The following PRKCA variants were observed in gnomAD, a reference collection of about 807,000 sequenced individuals.
PRKCA encodes protein kinase C alpha, also known as protein kinase C alpha type.
Under a neutral mutation model 87.0 loss-of-function variants are expected in PRKCA, and 27 were observed. That is an observed-to-expected ratio of 0.31 (90% CI 0.23 to 0.43). The LOEUF (loss-of-function observed/expected upper bound fraction) is 0.43, where lower values mean the gene tolerates loss of function less well. Ranked by LOEUF, PRKCA falls within the 20% of genes least tolerant of loss-of-function variation. The pLI is 1.00. For synonymous variants in PRKCA, 329 were observed against 311.1 expected (o/e 1.06, Z -0.61); for missense variants, 518 against 852.3 (o/e 0.61, Z 4.88).
At chr17:66,705,871 A>G (rs1973179893) in intron 8 of PRKCA, among the ~76,000 whole-genome samples, 2 of 152,198 alleles carry the variant, frequency 1.3e-5, no homozygotes, top group East Asian at 1.9e-4. Flanking sequence ...TAAGGGACCT[A>G]GAATAAGGGT....
chr17:66,425,304 G>C (rs1215504041), intron 2 of PRKCA, among the ~76,000 whole-genome samples: 1 of 151,664 alleles, frequency 6.6e-6, no homozygotes, highest in African/African-American at 2.4e-5. Context: ...CTCCCTCCAA[G>C]GCTACAACCA....
chr17:66,429,092 C>T (rs182894530), intron 2 of PRKCA, among the ~76,000 whole-genome samples: 50 of 152,036 alleles, frequency 3.3e-4, no homozygotes, highest in Non-Finnish European at 6.2e-4. Context: ...CACGCTCTTC[C>T]GCCAGATCCA....
At chr17:66,801,279 T>C (rs1975892222) in intron 16 of PRKCA, among the ~76,000 whole-genome samples, 2 of 152,204 alleles carry the variant, frequency 1.3e-5, no homozygotes, top group Non-Finnish European at 2.9e-5. Flanking sequence ...CAGTCATTCT[T>C]TGGGGCGGGG....
chr17:66,789,385 C>T (rs1272962432), intron 16 of PRKCA, among the ~76,000 whole-genome samples: 1 of 152,238 alleles, frequency 6.6e-6, no homozygotes, highest in Non-Finnish European at 1.5e-5. Context: ...GTTTGCCTGG[C>T]ACCGAAGGGA....
At chr17:66,742,056 A>C (rs543676498) in intron 12 of PRKCA, among the ~76,000 whole-genome samples, 1 of 152,384 alleles carries the variant, frequency 6.6e-6, no homozygotes, top group South Asian at 2.1e-4. Context: ...CAGCAGAAGA[A>C]GAACACAGGG....
At chr17:66,752,651 G>A (rs943179073) in intron 13 of PRKCA, among the ~76,000 whole-genome samples, 8 of 152,158 alleles carry the variant, frequency 5.3e-5, no homozygotes, top group South Asian at 2.1e-4. Flanking sequence ...ATCAGGACCC[G>A]GCAGGTGGAC....
At chr17:66,631,558 A>G (rs538306296) in intron 3 of PRKCA, among the ~76,000 whole-genome samples, 17 of 152,330 alleles carry the variant, frequency 1.1e-4, no homozygotes, top group African/African-American at 4.1e-4. Context: ...AGCTGGGACC[A>G]CAAGCATGCG....
intron 8 of PRKCA, among the ~76,000 whole-genome samples, chr17:66,731,320 G>A (rs1598903483): frequency 1.4e-5 from 2 of 144,670 alleles, no homozygotes; most frequent in South Asian, 4.3e-4. Context: ...CTGCGCTTCA[G>A]CCTGGGCAAC....
chr17:66,603,993 C>T (rs527808353), intron 3 of PRKCA, among the ~76,000 whole-genome samples: 1 of 152,258 alleles, frequency 6.6e-6, no homozygotes, highest in South Asian at 2.1e-4. Context: ...GGATATACCG[C>T]CCTTTGTCGA....
intron 7 of PRKCA, 144 bp downstream of exon 7, chr17:66,688,580 A>G (rs1972692597): frequency 5.5e-6 from 6 of 1,091,348 alleles, no homozygotes; most frequent in Non-Finnish European, 7.8e-6. Context: ...AGGCAGGTGG[A>G]TTGCTTGAGC....
chr17:66,668,764 A>G (rs1972101302), intron 5 of PRKCA, among the ~76,000 whole-genome samples: 1 of 152,200 alleles, frequency 6.6e-6, no homozygotes, highest in African/African-American at 2.4e-5. Flanking sequence ...TTGGAAGAAA[A>G]GAAATTACAG....
intron 2 of PRKCA, among the ~76,000 whole-genome samples, chr17:66,324,211 G>A (rs573277565): frequency 1.9e-4 from 29 of 152,106 alleles, no homozygotes; most frequent in African/African-American, 5.5e-4. Flanking sequence ...TGGAGAAAGA[G>A]TTTTCATAAA....
intron 2 of PRKCA, among the ~76,000 whole-genome samples, chr17:66,467,480 A>T (rs1915135854): frequency 6.6e-6 from 1 of 151,202 alleles, no homozygotes; most frequent in Non-Finnish European, 1.5e-5. Flanking sequence ...GGGCAAACAC[A>T]TTTTTTTTTG....
chr17:66,502,229 C>G (rs73336538), intron 3 of PRKCA, among the ~76,000 whole-genome samples: 4 of 151,928 alleles, frequency 2.6e-5, no homozygotes, highest in African/African-American at 9.7e-5. Flanking sequence ...CACATTAAGC[C>G]CTTTTTAATT....
At chr17:66,673,925 T>C (rs1190179724) in intron 5 of PRKCA, among the ~76,000 whole-genome samples, 1 of 152,230 alleles carries the variant, frequency 6.6e-6, no homozygotes, top group African/African-American at 2.4e-5. Context: ...TTCAAAAAAG[T>C]GTGCCACTCC....
At chr17:66,581,783 GAA>G (rs1969444502) in intron 3 of PRKCA, among the ~76,000 whole-genome samples, 1 of 152,144 alleles carries the variant, frequency 6.6e-6, no homozygotes, top group African/African-American at 2.4e-5. Context: ...CCATCTTTCT[GAA>G]GTTTTTAAAC....
At chr17:66,435,904 C>T (rs966067802) in intron 2 of PRKCA, among the ~76,000 whole-genome samples, 1 of 152,084 alleles carries the variant, frequency 6.6e-6, no homozygotes, top group Non-Finnish European at 1.5e-5. Flanking sequence ...GTGAAGGACC[C>T]ATGCTCTGTT....
chr17:66,775,504 G>A (rs1373617081), intron 14 of PRKCA: 3 of 985,386 alleles, frequency 3.0e-6, no homozygotes, highest in Non-Finnish European at 3.6e-6. Context: ...AGCAGGCTTG[G>A]TAATCACCCA....
intron 3 of PRKCA, among the ~76,000 whole-genome samples, chr17:66,605,333 TCA>T (rs1283793760): frequency 6.6e-6 from 1 of 152,192 alleles, no homozygotes; most frequent in Non-Finnish European, 1.5e-5. Context: ...GGTGCTTTTC[TCA>T]TTAGAACATG....
Sources: allele counts gnomAD v4.1 joint callset (sites outside exome capture counted in the v4.1 genomes callset), GRCh38; gene constraint gnomAD v4.1.1; transcripts MANE v1.5; gene names NCBI Gene and HGNC (gene_info 2026-07-23, HGNC 2026-07-21).